EIF4G3: variants seen among roughly 807,000 people sequenced by gnomAD.
EIF4G3 encodes the protein eIF-4-gamma 3.
In EIF4G3, 34 loss-of-function variants were observed where a neutral mutation model predicts 186.4. The observed-to-expected ratio is 0.18, with a 90% CI of 0.14 to 0.24. The LOEUF (loss-of-function observed/expected upper bound fraction) is 0.24, where lower values mean the gene tolerates loss of function less well. Among genes scored for constraint, EIF4G3 ranks in the 10% least tolerant of loss-of-function variants. The pLI is 1.00. For missense variants in EIF4G3, 1,536 were observed against 1,948.5 expected (o/e 0.79, Z 3.99); for synonymous variants, 673 against 679.5 (o/e 0.99, Z 0.15).
chr1:21,007,643 A>C (rs1245310969), intron 4 of EIF4G3, among the ~76,000 whole-genome samples: 1 of 151,594 alleles, frequency 6.6e-6, no homozygotes, highest in Non-Finnish European at 1.5e-5. Context: ...CTTTAGAATG[A>C]ATCAAGTCAA....
intron 21 of EIF4G3, 139 bp from the exon 22 acceptor site, chr1:20,864,851 C>T: frequency 2.3e-6 from 2 of 875,302 alleles, no homozygotes; most frequent in South Asian, 1.7e-5. Flanking sequence ...CTGAACTATA[C>T]CCATCCATTT....
intron 7 of EIF4G3, among the ~76,000 whole-genome samples, chr1:20,982,789 TCTGTGATCTACTTGCCATCTGTGTC>T (rs1211336286): frequency 6.6e-6 from 1 of 152,244 alleles, no homozygotes; most frequent in Admixed American, 6.5e-5. Context: ...GTCTAGCATC[TCTGTGATCTACTTGCCATCTGTGTC>T]ATTTGTTATT....
chr1:20,854,380 C>T (rs2074237242), intron 26 of EIF4G3, among the ~76,000 whole-genome samples: 1 of 151,616 alleles, frequency 6.6e-6, no homozygotes, highest in Non-Finnish European at 1.5e-5. Context: ...TTGTGAACAA[C>T]AACAAAAAGG....
chr1:20,903,734 A>AG (rs1470633136), intron 15 of EIF4G3, among the ~76,000 whole-genome samples: 1 of 152,218 alleles, frequency 6.6e-6, no homozygotes, highest in Non-Finnish European at 1.5e-5. Context: ...GAGGTAACCA[A>AG]GGGGTACTGT....
chr1:21,079,798 A>G (rs2095708345), intron 3 of EIF4G3, among the ~76,000 whole-genome samples: 1 of 150,378 alleles, frequency 6.6e-6, no homozygotes, highest in Non-Finnish European at 1.5e-5. Context: ...TTGAGCCCTG[A>G]CATTAGAGAC....
chr1:20,853,130 A>G (rs572487148), intron 27 of EIF4G3, among the ~76,000 whole-genome samples: 2 of 152,218 alleles, frequency 1.3e-5, no homozygotes, highest in Non-Finnish European at 2.9e-5. Context: ...AATCCTAGAA[A>G]AGCAAAAGCA....
intron 24 of EIF4G3, among the ~76,000 whole-genome samples, chr1:20,858,950 C>T (rs564705699): frequency 2.8e-4 from 42 of 152,298 alleles, no homozygotes; most frequent in Middle Eastern, 3.4e-3. Context: ...GAGCCGAGAT[C>T]GCGCTACTGC....
chr1:20,923,330 C>T (rs1437929015), intron 14 of EIF4G3, among the ~76,000 whole-genome samples: 3 of 152,184 alleles, frequency 2.0e-5, no homozygotes, highest in Admixed American at 2.0e-4. Flanking sequence ...ATTGTCGACA[C>T]TGAGAACAAA....
At chr1:21,043,397 TA>T (rs1292895271) in intron 4 of EIF4G3, among the ~76,000 whole-genome samples, 10 of 152,176 alleles carry the variant, frequency 6.6e-5, no homozygotes, top group African/African-American at 2.4e-4. Context: ...AAACAGAATG[TA>T]AAACTTAGGG....
intron 4 of EIF4G3, among the ~76,000 whole-genome samples, chr1:21,013,470 T>C (rs1415796838): frequency 6.6e-6 from 1 of 151,706 alleles, no homozygotes; most frequent in Non-Finnish European, 1.5e-5. Flanking sequence ...AGGAAAAGAG[T>C]GGAACTTGTT....
chr1:21,167,627 G>A (rs765342407), intron 2 of EIF4G3, among the ~76,000 whole-genome samples: 5 of 152,048 alleles, frequency 3.3e-5, no homozygotes, highest in African/African-American at 4.8e-5. Flanking sequence ...GCGTGGTGCC[G>A]GGTGCCTGTA....
chr1:21,078,853 C>T (rs190068899), intron 3 of EIF4G3, among the ~76,000 whole-genome samples: 3 of 152,180 alleles, frequency 2.0e-5, no homozygotes, highest in East Asian at 1.9e-4. Flanking sequence ...GGTATAGTGG[C>T]GTGCACCGGT....
chr1:20,813,302 G>T, intron 34 of EIF4G3, 63 bp from the exon 35 acceptor site: 2 of 1,234,864 alleles, frequency 1.6e-6, no homozygotes, highest in Non-Finnish European at 2.3e-6. Flanking sequence ...AGAGGCTCAT[G>T]CCTGTAATCC....
At chr1:21,036,521 T>C (rs1486627512) in intron 4 of EIF4G3, among the ~76,000 whole-genome samples, 1 of 152,188 alleles carries the variant, frequency 6.6e-6, no homozygotes, top group East Asian at 1.9e-4. Context: ...CCTTAATATT[T>C]AAAATCAGTT....
Position 20,944,811 on chromosome 1 carries a change from A to G in EIF4G3, c.824-2481T>C, listed in dbSNP as rs372020446. Reference sequence around the variant, plus strand: ...GCACTTTGGGAGGCCAAGGGGGAGGATCACTTGAGCCCAGGAGGTCTCAAA... The same window carrying G: ...GCACTTTGGGAGGCCAAGGGGGAGGGTCACTTGAGCCCAGGAGGTCTCAAA... On this transcript the variant is annotated intron_variant, in intron 13 of 36. Coordinates refer to ENST00000602326, the MANE Select transcript of EIF4G3 (RefSeq NM_001391906.1). Among the ~76,000 whole-genome samples the G allele has an allele frequency of 5.9e-5, 9 of 151,922 alleles. 1 individual carries two copies. The highest frequency in any genetic ancestry group is 2.2e-4 in the African/African-American group (9 of 41,448).
At chr1:21,035,139 T>A (rs1017960177) in intron 4 of EIF4G3, among the ~76,000 whole-genome samples, 10 of 152,146 alleles carry the variant, frequency 6.6e-5, no homozygotes, top group Admixed American at 5.2e-4. Flanking sequence ...CACAGCTGGG[T>A]AGGACCCACT....
chr1:21,110,288 G>A (rs1340300346), intron 2 of EIF4G3, among the ~76,000 whole-genome samples: 1 of 151,488 alleles, frequency 6.6e-6, no homozygotes, highest in Non-Finnish European at 1.5e-5. Flanking sequence ...AGGTTTCAGA[G>A]TAACGTTTTC....
chr1:21,057,814 G>A (rs537790530), intron 3 of EIF4G3, among the ~76,000 whole-genome samples: 4 of 152,038 alleles, frequency 2.6e-5, no homozygotes, highest in African/African-American at 9.7e-5. Flanking sequence ...AAGAAATACT[G>A]CTGCAAGAAA....
intron 4 of EIF4G3, among the ~76,000 whole-genome samples, chr1:21,045,755 C>T (rs777835898): frequency 1.1e-4 from 16 of 151,482 alleles, no homozygotes; most frequent in Non-Finnish European, 2.2e-4. Flanking sequence ...TTTGTTTTTA[C>T]TTATCTTGAG....
Sources: allele counts gnomAD v4.1 joint callset (sites outside exome capture counted in the v4.1 genomes callset), GRCh38; gene constraint gnomAD v4.1.1; transcripts MANE v1.5; gene names NCBI Gene and HGNC (gene_info 2026-07-23, HGNC 2026-07-21).